FRMPD3: variants seen among roughly 807,000 people sequenced by gnomAD.
FRMPD3 encodes FERM and PDZ domain containing 3.
FRMPD3 carries 42 observed loss-of-function variants against 97.9 expected under a neutral mutation model. The ratio of observed to expected loss-of-function variants is 0.43; its 90% CI spans 0.34 to 0.55. FRMPD3 has a LOEUF of 0.55. FRMPD3 is among the 20% of genes least tolerant of loss of function. FRMPD3 has a pLI of 0.03. For missense variants in FRMPD3, 1,303 were observed against 1,457.7 expected (o/e 0.89, Z 1.73); for synonymous variants, 577 against 581.1 (o/e 0.99, Z 0.10).
At position 107,552,935 on chromosome X, in the gene FRMPD3, C is replaced by T. The variant is rs1180218810; in HGVS notation, c.642+9C>T. 8.3e-7 allele frequency: 1 copy of T among 1,199,728 alleles called. No individual in the cohort carries two copies. Among genetic ancestry groups the T allele is most frequent in the Non-Finnish European group, 1.1e-6 (1 of 890,440 alleles). On this transcript the variant is annotated intron_variant, in intron 7 of 14. Transcript: ENST00000683843. ...AGCAACCCCTGGCTTATGTAAGTAA[C>T]TCTTTTTTACAGATAGCTTTGCATG...
chrX:107,534,532 C>T (rs755211796), intron 4 of FRMPD3, among the ~76,000 whole-genome samples: 1 of 110,940 alleles, frequency 9.0e-6, no homozygotes, highest in African/African-American at 3.3e-5. Context: ...GATGACACAG[C>T]GAGGGATGGA....
At chrX:107,577,757 C>T (rs1923196292) in intron 13 of FRMPD3, among the ~76,000 whole-genome samples, 1 of 111,136 alleles carries the variant, frequency 9.0e-6, no homozygotes, top group Admixed American at 9.6e-5. Context: ...CTGTGGACAC[C>T]CCCCACCCAC....
At chrX:107,583,991 C>T (rs995703992) in intron 13 of FRMPD3, among the ~76,000 whole-genome samples, 9 of 108,509 alleles carry the variant, frequency 8.3e-5, no homozygotes, top group Admixed American at 6.9e-4. Context: ...CTCAGCCTCC[C>T]GAGTAGCTGC....
intron 12 of FRMPD3, among the ~76,000 whole-genome samples, chrX:107,570,718 T>C (rs1473517340): frequency 1.8e-5 from 2 of 111,699 alleles, no homozygotes; most frequent in African/African-American, 6.5e-5. Context: ...CCATCATCTT[T>C]TACCCTTCCC....
intron 1 of FRMPD3, among the ~76,000 whole-genome samples, chrX:107,455,751 A>G (rs1258643810): frequency 8.9e-6 from 1 of 111,836 alleles, no homozygotes; most frequent in Non-Finnish European, 1.9e-5. Flanking sequence ...ATTAGTTCAT[A>G]AAACATTTAT....
At chrX:107,531,940 T>C (rs181001758) in intron 3 of FRMPD3, among the ~76,000 whole-genome samples, 105 of 111,840 alleles carry the variant, frequency 9.4e-4, no homozygotes, top group Non-Finnish European at 1.6e-3. Context: ...CAGTGGATTA[T>C]TCATTCATTC....
In FRMPD3 at chrX:107,597,664, G is replaced by A; in HGVS notation, c.1785G>A (p.Arg595=). The part of the protein sequence containing the change: ...LDHEPCASRA[R]SYTLDNSLGA... ...ACGAGCCTTGTGCCAGCAGGGCCCG[G>A]TCCTACACCTTGGACAATTCCCTTG... is the stretch of plus-strand genomic sequence containing the variant. Residue 595 remains arginine, a synonymous_variant, in exon 14 of 15, where the codon CGG becomes CGA. Coordinates refer to ENST00000683843, the MANE Select transcript of FRMPD3 (RefSeq NM_001388459.1). 3 of 1,210,724 alleles carry A rather than the reference G, an allele frequency of 2.5e-6. No individual in the cohort carries two copies. The highest frequency in any genetic ancestry group is 1.1e-6 in the Non-Finnish European group (1 of 895,336).
intron 3 of FRMPD3, among the ~76,000 whole-genome samples, chrX:107,533,200 T>C (rs370313275): frequency 8.9e-5 from 10 of 112,278 alleles, no homozygotes; most frequent in East Asian, 5.6e-4. Context: ...ATAAAATTGC[T>C]ACTAAGGTTT....
In FRMPD3 at chrX:107,533,265, T is replaced by C. The variant is rs781257042; in HGVS notation, c.252-240T>C. 2.7e-5 allele frequency among the ~76,000 whole-genome samples: 3 copies of C among 111,886 alleles called. No homozygotes were observed. In the Admixed American group the frequency reaches 2.9e-4, roughly 11 times the overall value. ...GAATATGAAAAGAAGACCTAAAAAA[T>C]GACAACCCCAGAGGTAATGATTATA... On this transcript the variant is annotated intron_variant, in intron 3 of 14. Coordinates refer to ENST00000683843, the MANE Select transcript of FRMPD3 (RefSeq NM_001388459.1).
chrX:107,523,284 G>A (rs1293469924), intron 1 of FRMPD3, among the ~76,000 whole-genome samples: 1 of 112,051 alleles, frequency 8.9e-6, no homozygotes, highest in Non-Finnish European at 1.9e-5. Flanking sequence ...GGAAAGGGCT[G>A]CTTGCAGAAT....
intron 8 of FRMPD3, among the ~76,000 whole-genome samples, chrX:107,557,435 C>T (rs965762552): frequency 9.1e-6 from 1 of 109,872 alleles, no homozygotes; most frequent in Non-Finnish European, 1.9e-5. Context: ...CTCTAAACAA[C>T]GTCTTTCACA....
intron 1 of FRMPD3, among the ~76,000 whole-genome samples, chrX:107,478,565 A>T (rs1921258426): frequency 9.0e-6 from 1 of 111,664 alleles, no homozygotes; most frequent in Non-Finnish European, 1.9e-5. Context: ...TTTCCATAAA[A>T]CCTAGCACAG....
chrX:107,561,871 C>T (rs1481474963), intron 10 of FRMPD3, among the ~76,000 whole-genome samples: 3 of 112,153 alleles, frequency 2.7e-5, no homozygotes, highest in Admixed American at 9.4e-5. Flanking sequence ...ACATTTTTTT[C>T]GAGGCACCCC....
At chrX:107,561,247 C>T (rs2147597627) in intron 10 of FRMPD3, among the ~76,000 whole-genome samples, 1 of 111,787 alleles carries the variant, frequency 8.9e-6, no homozygotes, top group South Asian at 3.8e-4. Flanking sequence ...GCCTGTAATC[C>T]CAGCGCTTTG....
In FRMPD3 at chrX:107,550,123, G is replaced by A. The variant is rs751156207; in HGVS notation, c.477G>A (p.Lys159=). The part of the protein sequence containing the change: ...LKVFLENGQI[K]SFTFDGRTTV... ...TTTTCTTAGAAAATGGGCAGATCAA[G>A]TCATTCACATTTGATGGTCGGACCA... Residue 159 remains lysine (K), a synonymous_variant, in exon 6 of 15, where the codon AAG becomes AAA. Transcript: ENST00000683843. 5.8e-6 allele frequency: 7 copies of A among 1,202,385 alleles called. No homozygotes were observed. Among genetic ancestry groups the A allele is most frequent in the Non-Finnish European group, 7.9e-6 (7 of 888,555 alleles).
chrX:107,477,971 A>G (rs984231487), intron 1 of FRMPD3, among the ~76,000 whole-genome samples: 2 of 111,307 alleles, frequency 1.8e-5, no homozygotes, highest in African/African-American at 3.3e-5. Context: ...CCGGCCCTTC[A>G]AGACCCACCT....
At chrX:107,502,393 A>G (rs951298935) in intron 1 of FRMPD3, among the ~76,000 whole-genome samples, 5 of 111,547 alleles carry the variant, frequency 4.5e-5, no homozygotes, top group Admixed American at 3.8e-4. Context: ...CCCTTGGATG[A>G]GGAAACCAGT....
intron 1 of FRMPD3, among the ~76,000 whole-genome samples, chrX:107,487,892 A>G (rs1921548623): frequency 8.9e-6 from 1 of 112,155 alleles, no homozygotes; most frequent in South Asian, 3.8e-4. Context: ...TGTGTGTAGA[A>G]GGCTTAGGAG....
Position 107,597,188 on chromosome X carries a change from G to A in FRMPD3, c.1442-133G>A, listed in dbSNP as rs376266800. The A allele has an allele frequency of 3.8e-5, 21 of 546,602 alleles. No individual in the cohort carries two copies. In the East Asian group the frequency reaches 7.0e-4, roughly 18 times the overall value. The allele number at this position is 546,602 out of a possible 1,213,427, so 45.0% of individuals were successfully genotyped here. A position where few individuals can be genotyped will look rare whatever the true frequency, so the allele number is the denominator to read the frequency against. ...TCAACTTCCCTACCTCTAATCTTTG[G>A]CAGCCAGGTAATGCTTTGTCTTGGG... On this transcript the variant is annotated intron_variant, in intron 13 of 14. Coordinates refer to ENST00000683843, the MANE Select transcript of FRMPD3 (RefSeq NM_001388459.1).
Sources: gnomAD v4.1 joint callset for allele counts (sites outside exome capture counted in the v4.1 genomes callset) on GRCh38, gnomAD v4.1.1 for gene constraint, MANE v1.5 for transcripts, NCBI Gene and HGNC (gene_info 2026-07-23, HGNC 2026-07-21) for gene names.